The following CSNK1A1 variants were observed in gnomAD, a reference collection of about 807,000 sequenced individuals.
CSNK1A1 encodes the protein casein kinase 1 alpha 1.
In CSNK1A1, 7 loss-of-function variants were observed where a neutral mutation model predicts 46.1. That is an observed-to-expected ratio of 0.15 (90% CI 0.09 to 0.29). CSNK1A1 has a LOEUF of 0.29. Among genes scored for constraint, CSNK1A1 ranks in the 10% least tolerant of loss-of-function variants. CSNK1A1 has a pLI of 1.00. For missense variants in CSNK1A1, 96 were observed against 417.1 expected (o/e 0.23, Z 6.71); for synonymous variants, 137 against 141.5 (o/e 0.97, Z 0.23).
intron 9 of CSNK1A1, chr5:149,503,445 G>A: frequency 2.0e-6 from 2 of 985,410 alleles, no homozygotes; most frequent in Non-Finnish European, 2.4e-6. Context: ...CAGATGTACT[G>A]CCTTGGAAGT....
rs778357270 is a variant in CSNK1A1 at position 149,546,055 on chromosome 5, AT to A, written c.230+4019del. ...AGGCGCACGCCACCACACCAGGCTA[AT>A]TTTTTTTTTTTTTGTATTTTAGTAG... On this transcript the variant is annotated intron_variant, in intron 2 of 9. Transcript: ENST00000377843. Among the ~76,000 whole-genome samples, 560 of 141,198 alleles carry A rather than the reference AT, an allele frequency of 4.0e-3. 2 individuals carry two copies. Among genetic ancestry groups the A allele is most frequent in the Middle Eastern group, 7.5e-3 (2 of 268 alleles). The allele number at this position is 141,198 out of a possible 152,430, so 92.6% of individuals were successfully genotyped here.
intron 2 of CSNK1A1, chr5:149,545,862 T>C (rs1762463932): frequency 8.9e-6 from 3 of 335,374 alleles, no homozygotes; most frequent in Middle Eastern, 9.8e-4. Context: ...TCTTAAAATA[T>C]CAAGAAAATG....
chr5:149,532,010 T>C (rs914696673), intron 2 of CSNK1A1, among the ~76,000 whole-genome samples: 2 of 152,028 alleles, frequency 1.3e-5, no homozygotes, highest in Non-Finnish European at 2.9e-5. Context: ...CATCCACCTG[T>C]TGGGATTACA....
At position 149,528,570 on chromosome 5, in the gene CSNK1A1, A is replaced by G. The variant is rs1761791243; in HGVS notation, c.231-3399T>C. ...CCAATCTTACTTATTCTTAGTTTCT[A>G]CCTTCACCTCCATGCTTCCCACGTC... On this transcript the variant is annotated intron_variant, in intron 2 of 9. Coordinates refer to ENST00000377843, the MANE Select transcript of CSNK1A1 (RefSeq NM_001892.6). 2.0e-5 allele frequency among the ~76,000 whole-genome samples: 3 copies of G among 152,230 alleles called. No individual in the cohort carries two copies. In the South Asian group the frequency reaches 6.2e-4, roughly 32 times the overall value.
At chr5:149,537,717 C>G (rs1762103545) in intron 2 of CSNK1A1, among the ~76,000 whole-genome samples, 2 of 107,290 alleles carry the variant, frequency 1.9e-5, no homozygotes, top group Non-Finnish European at 3.8e-5. Flanking sequence ...ATTATTTATA[C>G]ACAGCTGAGG....
intron 8 of CSNK1A1, 31 bp from the exon 9 acceptor site, chr5:149,505,626 CT>C: frequency 6.3e-7 from 1 of 1,582,252 alleles, no homozygotes; most frequent in Non-Finnish European, 8.7e-7. Flanking sequence ...TATGTTAATC[CT>C]TTAATAACAG....
intron 9 of CSNK1A1, chr5:149,501,551 A>G: frequency 1.0e-6 from 1 of 985,172 alleles, no homozygotes; most frequent in African/African-American, 1.7e-5. Context: ...GAAAAATAAT[A>G]TTTGTAATCC....
In CSNK1A1 at chr5:149,548,430, A is replaced by G. The variant is rs114977694; in HGVS notation, c.230+1645T>C. On this transcript the variant is annotated intron_variant, in intron 2 of 9. Transcript: ENST00000377843. ...AAAAATACAAAAATTAGCCAGGCGT[A>G]GTAGTGCAGCTCTGCAATTCCAGCT... Among the ~76,000 whole-genome samples, 857 of 151,154 alleles carry G rather than the reference A, an allele frequency of 5.7e-3. 15 individuals carry two copies. Among genetic ancestry groups the G allele is most frequent in the African/African-American group, 0.02 (839 of 41,108 alleles).
intron 2 of CSNK1A1, among the ~76,000 whole-genome samples, chr5:149,542,626 A>ACATG (rs1762298583): frequency 3.1e-4 from 4 of 12,746 alleles, no homozygotes; most frequent in African/African-American, 2.4e-3. Flanking sequence ...ATATATATAT[A>ACATG]TATATATATA....
At chr5:149,547,623 G>C (rs1762521647) in intron 2 of CSNK1A1, among the ~76,000 whole-genome samples, 1 of 151,254 alleles carries the variant, frequency 6.6e-6, no homozygotes, top group South Asian at 2.1e-4. Context: ...AAAAACTATA[G>C]TAATGGAAAG....
intron 9 of CSNK1A1, chr5:149,503,823 AAAATGT>A: frequency 1.0e-6 from 1 of 985,410 alleles, no homozygotes; most frequent in Non-Finnish European, 1.2e-6. Flanking sequence ...TGCCTGAAGT[AAAATGT>A]TCTAGGTCAG....
At chr5:149,523,082 C>T (rs572118884) in intron 3 of CSNK1A1, among the ~76,000 whole-genome samples, 5 of 151,736 alleles carry the variant, frequency 3.3e-5, no homozygotes, top group Non-Finnish European at 7.4e-5. Flanking sequence ...GTTCTATCCC[C>T]CAGGCTGGAG....
chr5:149,520,517 G>A, intron 3 of CSNK1A1, 129 bp from the exon 4 acceptor site: 14 of 546,266 alleles, frequency 2.6e-5, no homozygotes, highest in East Asian at 3.0e-5. Flanking sequence ...GAAATGGAAA[G>A]GACAACTAAG....
intron 5 of CSNK1A1, among the ~76,000 whole-genome samples, chr5:149,512,298 C>T (rs1580828777): frequency 1.3e-5 from 2 of 151,868 alleles, no homozygotes; most frequent in East Asian, 1.9e-4. Context: ...TATACACATA[C>T]ATACAAATAT....
At chr5:149,528,913 C>A (rs993755727) in intron 2 of CSNK1A1, among the ~76,000 whole-genome samples, 1 of 152,154 alleles carries the variant, frequency 6.6e-6, no homozygotes, top group Non-Finnish European at 1.5e-5. Context: ...AACACCAACA[C>A]AAAAACCTCA....
rs749468138 is a variant in CSNK1A1 at position 149,550,816 on chromosome 5, T to C, written c.123+26A>G. ...GGGAATGAGTAAAAGCGCAGCGTTA[T>C]CGTGAACCCCACCCCAGATGATTAC... On this transcript the variant is annotated intron_variant, in intron 1 of 9. Transcript: ENST00000377843. The surrounding 1 kb of genome is among the most constrained non-coding windows in gnomAD (Gnocchi z 4.3). 9.9e-6 allele frequency: 16 copies of C among 1,613,664 alleles called. No homozygotes were observed. In the Admixed American group the frequency reaches 2.3e-4, roughly 24 times the overall value.
Position 149,529,259 on chromosome 5 carries a change from A to G in CSNK1A1, c.231-4088T>C, listed in dbSNP as rs1761812987. Among the ~76,000 whole-genome samples the G allele has an allele frequency of 2.0e-5, 3 of 149,336 alleles. No individual in the cohort carries two copies. In the South Asian group the frequency reaches 6.2e-4, roughly 31 times the overall value. ...TAAAACTAGGCTGAAGAATGAGTTC[A>G]TAATTTACACAACCATTATTACTTA... On this transcript the variant is annotated intron_variant, in intron 2 of 9. Transcript: ENST00000377843.
At chr5:149,543,418 T>C (rs138324761) in intron 2 of CSNK1A1, among the ~76,000 whole-genome samples, 89 of 152,278 alleles carry the variant, frequency 5.8e-4, no homozygotes, top group Non-Finnish European at 1.2e-3. Context: ...AGCTCTAGTA[T>C]ACCATGAATT....
At chr5:149,502,833 A>G in intron 9 of CSNK1A1, 1 of 867,814 alleles carries the variant, frequency 1.2e-6, no homozygotes, top group Non-Finnish European at 1.4e-6. Context: ...CAGCGGCACA[A>G]TCTTGGCTCA....
Sources: gnomAD v4.1 joint callset for allele counts (sites outside exome capture counted in the v4.1 genomes callset) on GRCh38, gnomAD v4.1.1 for gene constraint, Gnocchi (gnomAD v3.1) non-coding constraint, MANE v1.5 for transcripts, NCBI Gene and HGNC (gene_info 2026-07-23, HGNC 2026-07-21) for gene names.